Variants in GUCY2C observed in about 807,000 individuals in gnomAD.
GUCY2C encodes the protein guanylate cyclase 2C.
In GUCY2C, 118 loss-of-function variants were observed where a neutral mutation model predicts 131.1. The ratio of observed to expected loss-of-function variants is 0.90; its 90% CI spans 0.78 to 1.05. The LOEUF is 1.05. Among genes scored for constraint, GUCY2C ranks in the 50% least tolerant of loss-of-function variants. The pLI, the probability that GUCY2C is intolerant of heterozygous loss-of-function variation, is 0.00. For missense variants in GUCY2C, 1,161 were observed against 1,304.4 expected (o/e 0.89, Z 1.69); for synonymous variants, 452 against 457.8 (o/e 0.99, Z 0.16).
At chr12:14,672,219 G>GT (rs1448532599) in intron 9 of GUCY2C, 15 of 152,050 alleles carry the variant, frequency 9.9e-5, no homozygotes, top group South Asian at 6.3e-4. Context: ...GAAGACAGGT[G>GT]TTTTTTTTGT....
chr12:14,683,617 G>T (rs1019333), intron 3 of GUCY2C, among the ~76,000 whole-genome samples: 150,464 of 152,236 alleles, frequency 0.99, 74,371 homozygotes, highest in Middle Eastern at 1. Flanking sequence ...CCAAAAAGAT[G>T]CCATCTACAC....
chr12:14,679,634 GT>G, intron 6 of GUCY2C, 22 bp downstream of exon 6: 1 of 1,160,422 alleles, frequency 8.6e-7, no homozygotes, highest in Admixed American at 1.7e-5. Flanking sequence ...AAGGAGGAGG[GT>G]TTTTCCAAAT....
At position 14,628,739 on chromosome 12, in the gene GUCY2C, T is replaced by C. The variant is rs1452870535; in HGVS notation, c.2158-2A>G. 1 of 1,488,514 alleles carries C rather than the reference T, an allele frequency of 6.7e-7. No individual in the cohort carries two copies. Among genetic ancestry groups the C allele is most frequent in the East Asian group, 2.3e-5 (1 of 44,110 alleles). 92.2% of individuals were successfully genotyped at this position (1,488,514 alleles called of 1,614,324 possible). On this transcript the variant is annotated splice_acceptor_variant, in intron 19 of 26. Transcript: ENST00000261170. LOFTEE classifies it high-confidence loss of function. The stretch of plus-strand genomic sequence containing the variant: ...ACAGTTTTTTACAAGTAGGTACACC[T>C]GGAAGAAAAAAAAACGGGCAAATTA...
rs1022308769 is a variant in GUCY2C at position 14,696,368 on chromosome 12, A to T, written c.81T>A (p.Ser27Arg). ...PGWLSFSSQVSQNCHNGSYEI... is the reference protein window; with the variant it reads ...PGWLSFSSQVRQNCHNGSYEI... ...CATAGCTGCCATTGTGGCAGTTCTGACTCACCTGGGAACTAAAGGACAGCC... is the reference window on the plus strand; with the variant it reads ...CATAGCTGCCATTGTGGCAGTTCTGTCTCACCTGGGAACTAAAGGACAGCC... The change falls in exon 1 of 27, where the codon AGT (serine) becomes AGA (arginine). Residue 27 changes from serine to arginine, a missense_variant. Coordinates refer to ENST00000261170, the MANE Select transcript of GUCY2C (RefSeq NM_004963.4). 8 of 1,613,864 alleles carry T rather than the reference A, an allele frequency of 5.0e-6. No homozygotes were observed. Among genetic ancestry groups the T allele is most frequent in the Non-Finnish European group, 6.8e-6 (8 of 1,179,948 alleles).
chr12:14,663,158 G>T (rs1050797443), intron 10 of GUCY2C, among the ~76,000 whole-genome samples: 1 of 152,204 alleles, frequency 6.6e-6, no homozygotes, highest in African/African-American at 2.4e-5. Flanking sequence ...ATATTATTTA[G>T]ATATGCAAAA....
At position 14,639,864 on chromosome 12, in the gene GUCY2C, C is replaced by G. The variant is rs895214647; in HGVS notation, c.2155G>C (p.Glu719Gln). The G allele has an allele frequency of 6.4e-7, 1 of 1,568,824 alleles. No homozygotes were observed. The highest frequency in any genetic ancestry group is 8.8e-7 in the Non-Finnish European group (1 of 1,138,710). ...TGAATACGGGAAGATATACTCACTT[C>G]TAGCTCTTTTTCCTCTGCTGTTTCC... Reference protein sequence around the residue: ...FLETAEEKELEVYLLVKNCWE... With the variant: ...FLETAEEKELQVYLLVKNCWE... Residue 719 changes from glutamate (E) to glutamine (Q), a missense_variant and splice_region_variant, in exon 19 of 27, where the codon GAA (glutamate) becomes CAA (glutamine). Transcript: ENST00000261170.
chr12:14,648,049 C>T (rs1947561242), intron 15 of GUCY2C, among the ~76,000 whole-genome samples: 1 of 152,012 alleles, frequency 6.6e-6, no homozygotes, highest in Admixed American at 6.6e-5. Context: ...CAACCTCCAC[C>T]TCCCGGGTTC....
At chr12:14,629,175 C>T (rs1474638078) in intron 19 of GUCY2C, among the ~76,000 whole-genome samples, 3 of 152,126 alleles carry the variant, frequency 2.0e-5, no homozygotes, top group African/African-American at 7.2e-5. Context: ...AGAGTTTTGC[C>T]TAGGCCTTTC....
In GUCY2C at chr12:14,622,213, G is replaced by A. The variant is rs1565605546; in HGVS notation, c.2409-16C>T. ...TACCACTAGCCTAGATGAACGAAGGGAAAAAAAATGCCTTCAACTTCAGCA... is the reference window on the plus strand; with the variant it reads ...TACCACTAGCCTAGATGAACGAAGGAAAAAAAAATGCCTTCAACTTCAGCA... On this transcript the variant is annotated splice_polypyrimidine_tract_variant and intron_variant, in intron 21 of 26. Coordinates refer to ENST00000261170, the MANE Select transcript of GUCY2C (RefSeq NM_004963.4). 13 of 1,454,670 alleles carry A rather than the reference G, an allele frequency of 8.9e-6. No individual in the cohort carries two copies. Among genetic ancestry groups the A allele is most frequent in the Admixed American group, 5.6e-5 (2 of 35,730 alleles). 90.1% of individuals were successfully genotyped at this position (1,454,670 alleles called of 1,614,324 possible). A position where few individuals can be genotyped will look rare whatever the true frequency, so the allele number is the denominator to read the frequency against.
chr12:14,656,734 G>T (rs1052281198), intron 11 of GUCY2C, 117 bp from the exon 12 acceptor site: 35 of 541,716 alleles, frequency 6.5e-5, no homozygotes, highest in Non-Finnish European at 9.5e-5. Flanking sequence ...TGTGAGGGAA[G>T]GTAGCCCAAT....
intron 19 of GUCY2C, among the ~76,000 whole-genome samples, chr12:14,632,642 G>A (rs1024078905): frequency 6.6e-6 from 1 of 152,140 alleles, no homozygotes. Context: ...ATACCGCATG[G>A]ACACCTTGTT....
chr12:14,663,332 G>A (rs145508953), intron 10 of GUCY2C, among the ~76,000 whole-genome samples: 1 of 152,192 alleles, frequency 6.6e-6, no homozygotes, highest in African/African-American at 2.4e-5. Context: ...GCCCAGGCTG[G>A]CATGCAATGG....
At chr12:14,654,849 T>A (rs1272717703) in intron 12 of GUCY2C, among the ~76,000 whole-genome samples, 1 of 152,140 alleles carries the variant, frequency 6.6e-6, no homozygotes, top group Admixed American at 6.5e-5. Flanking sequence ...CTTCCTAGTG[T>A]TATATTAAAT....
intron 11 of GUCY2C, among the ~76,000 whole-genome samples, chr12:14,659,721 A>G (rs1170283591): frequency 6.6e-6 from 1 of 152,180 alleles, no homozygotes; most frequent in Non-Finnish European, 1.5e-5. Flanking sequence ...GCCAACTGTC[A>G]TTCATACTGA....
intron 17 of GUCY2C, 23 bp downstream of exon 17, chr12:14,643,551 T>G (rs1275158195): frequency 6.2e-7 from 1 of 1,611,486 alleles, no homozygotes; most frequent in Non-Finnish European, 8.5e-7. Context: ...AGGAAACTAG[T>G]GAACATTTCA....
chr12:14,645,120 T>C (rs570000081), intron 16 of GUCY2C, 109 bp downstream of exon 16: 2 of 653,046 alleles, frequency 3.1e-6, no homozygotes, highest in African/African-American at 3.6e-5. Flanking sequence ...ACATAGCTAT[T>C]ATTATCATTT....
Position 14,645,285 on chromosome 12 carries a change from C to G in GUCY2C, c.1741G>C (p.Asp581His). ...EVLNDTISYP[D>H]GTFMDWEFKI... ...AACTCCCAATCCATGAATGTGCCAT[C>G]AGGGTAGGAAATTGTGTCATTTAAA... is the stretch of plus-strand genomic sequence containing the variant. The change falls in exon 16 of 27, where the codon GAT (aspartate) becomes CAT (histidine). Residue 581 changes from aspartate to histidine, a missense_variant. Physicochemically the swap from Asp to His is moderately conservative, Grantham distance 81. Coordinates refer to ENST00000261170, the MANE Select transcript of GUCY2C (RefSeq NM_004963.4). 2 of 1,596,888 alleles carry G rather than the reference C, an allele frequency of 1.3e-6. No homozygotes were observed. Among genetic ancestry groups the G allele is most frequent in the Non-Finnish European group, 1.7e-6 (2 of 1,165,028 alleles).
intron 19 of GUCY2C, among the ~76,000 whole-genome samples, chr12:14,634,395 C>T (rs182780727): frequency 2.1e-4 from 32 of 152,262 alleles, no homozygotes; most frequent in Admixed American, 1.2e-3. Context: ...GGGCGTCCTA[C>T]GCCTGGAAGT....
intron 10 of GUCY2C, 135 bp from the exon 11 acceptor site, chr12:14,661,197 C>G (rs1210273607): frequency 1.6e-6 from 1 of 619,862 alleles, no homozygotes; most frequent in South Asian, 2.0e-5. Flanking sequence ...TAATTTCTCT[C>G]TGGTAATATA....
Sources: gnomAD v4.1 joint callset for allele counts (sites outside exome capture counted in the v4.1 genomes callset) on GRCh38, gnomAD v4.1.1 for gene constraint, MANE v1.5 for transcripts, NCBI Gene and HGNC (gene_info 2026-07-23, HGNC 2026-07-21) for gene names.